The following FBXO22 variants were observed in gnomAD, a reference collection of about 807,000 sequenced individuals.
The protein encoded by FBXO22 is F-box protein 22, also known as F-box only protein 22.
Under a neutral mutation model 37.2 loss-of-function variants are expected in FBXO22, and 13 were observed. The ratio of observed to expected loss-of-function variants is 0.35; its 90% CI spans 0.23 to 0.56. The LOEUF is 0.56. Among genes scored for constraint, FBXO22 ranks in the 20% least tolerant of loss-of-function variants. FBXO22 has a pLI of 0.87. For synonymous variants in FBXO22, 189 were observed against 189.1 expected (o/e 1.00, Z 0.00); for missense variants, 446 against 509.9 (o/e 0.87, Z 1.21).
In FBXO22 at chr15:75,936,806, C is replaced by T. The variant is rs571317846; in HGVS notation, c.*3704C>T. The T allele has an allele frequency of 1.3e-5, 2 of 152,248 alleles. No individual in the cohort carries two copies. The highest frequency in any genetic ancestry group is 4.1e-4 in the South Asian group (2 of 4,824). The allele number at this position is 152,248 out of a possible 1,614,324, so 9.4% of individuals were successfully genotyped here. A position where few individuals can be genotyped will look rare whatever the true frequency, so the allele number is the denominator to read the frequency against. ...TCAGGCTGGCCTCAGACTCCAACCT[C>T]AGGTGATCTGCCTGCCTCAGCCTCC... On this transcript the variant is annotated 3_prime_UTR_variant, in exon 7 of 7. Coordinates refer to ENST00000308275, the MANE Select transcript of FBXO22 (RefSeq NM_147188.3).
chr15:75,925,458 T>A (rs377201583), intron 5 of FBXO22, among the ~76,000 whole-genome samples: 1 of 151,746 alleles, frequency 6.6e-6, no homozygotes, highest in African/African-American at 2.4e-5. Context: ...CCAAGAGGGG[T>A]AAAATAGAAC....
intron 2 of FBXO22, among the ~76,000 whole-genome samples, chr15:75,911,975 G>T (rs1026683335): frequency 6.6e-6 from 1 of 150,720 alleles, no homozygotes; most frequent in African/African-American, 2.4e-5. Context: ...TAGCATGAAG[G>T]GGTGTTGAAT....
intron 5 of FBXO22, among the ~76,000 whole-genome samples, chr15:75,928,664 C>G (rs1405946478): frequency 6.6e-6 from 1 of 152,004 alleles, no homozygotes; most frequent in African/African-American, 2.4e-5. Flanking sequence ...ATGAAATAAT[C>G]TGCACAACAA....
intron 5 of FBXO22, among the ~76,000 whole-genome samples, chr15:75,923,683 G>A (rs1900377961): frequency 6.6e-6 from 1 of 152,148 alleles, no homozygotes; most frequent in African/African-American, 2.4e-5. Context: ...GCTTGATTTA[G>A]CCATTCAGTA....
rs977336824 is a variant in FBXO22, at chr15:75,937,221, A to G, written c.*4119A>G. ...TTTGCCTATCAAAACATTAAAAAAA[A>G]AAAAGAGGCCGGGCGTGGTGGCTCA... On this transcript the variant is annotated 3_prime_UTR_variant, in exon 7 of 7. Transcript: ENST00000308275. 6.6e-6 allele frequency: 1 copy of G among 151,720 alleles called. No homozygotes were observed. Among genetic ancestry groups the G allele is most frequent in the African/African-American group, 2.4e-5 (1 of 41,348 alleles). The allele number at this position is 151,720 out of a possible 1,614,324, so 9.4% of individuals were successfully genotyped here.
In FBXO22 at chr15:75,941,775, G is replaced by GT. The variant is rs1328474282; in HGVS notation, c.*8676dup. ...GAGCAGGAGGGAATGGGAATTTATT[G>GT]TTTAAGGGGCACAGAGATTAGTGTG... is the stretch of plus-strand genomic sequence containing the variant. On this transcript the variant is annotated 3_prime_UTR_variant, in exon 7 of 7. Coordinates refer to ENST00000308275, the MANE Select transcript of FBXO22 (RefSeq NM_147188.3). 2 of 152,074 alleles carry GT rather than the reference G, an allele frequency of 1.3e-5. No homozygotes were observed. The highest frequency in any genetic ancestry group is 2.1e-4 in the South Asian group (1 of 4,822). The allele number at this position is 152,074 out of a possible 1,614,324, so 9.4% of individuals were successfully genotyped here. A position where few individuals can be genotyped will look rare whatever the true frequency, so the allele number is the denominator to read the frequency against.
intron 5 of FBXO22, among the ~76,000 whole-genome samples, chr15:75,919,212 T>A (rs1385071651): frequency 2.6e-5 from 4 of 152,158 alleles, no homozygotes; most frequent in African/African-American, 9.7e-5. Flanking sequence ...CCTCAAGTGA[T>A]CCACCTGCCT....
At chr15:75,904,385 C>G in intron 1 of FBXO22, 106 bp from the exon 2 acceptor site, 1 of 1,538,174 alleles carries the variant, frequency 6.5e-7, no homozygotes, top group South Asian at 1.1e-5. Context: ...GACTTTGGAT[C>G]CCGCAGGGAT....
chr15:75,913,027 G>A (rs1399693574), intron 2 of FBXO22, among the ~76,000 whole-genome samples, 176 bp from the exon 3 acceptor site: 1 of 152,142 alleles, frequency 6.6e-6, no homozygotes, highest in Admixed American at 6.5e-5. Flanking sequence ...TATTTGCCCA[G>A]TAGTCATTCA....
chr15:75,912,322 T>C (rs1567052225), intron 2 of FBXO22, among the ~76,000 whole-genome samples: 1 of 152,194 alleles, frequency 6.6e-6, no homozygotes, highest in Non-Finnish European at 1.5e-5. Flanking sequence ...TTCTGTTGTT[T>C]GGAATAGTTT....
rs532820041 is a variant in FBXO22, at chr15:75,910,653, C to G, written c.280-2550C>G. Among the ~76,000 whole-genome samples, 14 of 152,224 alleles carry G rather than the reference C, an allele frequency of 9.2e-5. No individual in the cohort carries two copies. The East Asian group carries it at 2.7e-3, about 29-fold the overall frequency. Reference sequence around the variant, plus strand: ...AATTTATTTAAGTTCCTTGTAGATTCTGGATATTAGCCCTTTGTCAGATGG... The same window carrying G: ...AATTTATTTAAGTTCCTTGTAGATTGTGGATATTAGCCCTTTGTCAGATGG... On this transcript the variant is annotated intron_variant, in intron 2 of 6. Coordinates refer to ENST00000308275, the MANE Select transcript of FBXO22 (RefSeq NM_147188.3).
Position 75,930,031 on chromosome 15 carries a change from C to T in FBXO22, c.776C>T (p.Ser259Leu). ...ILAGGQVDNL[S>L]SLTSEKNPLD... ...GCTGGAGGCCAGGTGGACAACCTGT[C>T]ATCACTGACTTCTGAAAAGTATGTC... Residue 259 changes from serine to leucine, a missense_variant, in exon 6 of 7, where the codon TCA (serine) becomes TTA (leucine). This residue lies in a region of FBXO22 where 315 missense variants were observed against 410.1 expected (regional missense o/e 0.77). Transcript: ENST00000308275. 1 of 1,614,052 alleles carries T rather than the reference C, an allele frequency of 6.2e-7. No homozygotes were observed. Among genetic ancestry groups the T allele is most frequent in the Non-Finnish European group, 8.5e-7 (1 of 1,179,946 alleles).
chr15:75,931,669 T>G (rs2030022324), intron 6 of FBXO22, among the ~76,000 whole-genome samples: 1 of 152,222 alleles, frequency 6.6e-6, no homozygotes, highest in Non-Finnish European at 1.5e-5. Flanking sequence ...CATGATACAA[T>G]ACTTGTTTAT....
rs1199967910 is a variant in FBXO22 at position 75,937,531 on chromosome 15, AAG to A, written c.*4430_*4431del. 2 of 149,496 alleles carry A rather than the reference AAG, an allele frequency of 1.3e-5. No individual in the cohort carries two copies. Among genetic ancestry groups the A allele is most frequent in the East Asian group, 3.9e-4 (2 of 5,164 alleles). 9.3% of individuals were successfully genotyped at this position (149,496 alleles called of 1,614,324 possible). A position where few individuals can be genotyped will look rare whatever the true frequency, so the allele number is the denominator to read the frequency against. On this transcript the variant is annotated 3_prime_UTR_variant, in exon 7 of 7. Coordinates refer to ENST00000308275, the MANE Select transcript of FBXO22 (RefSeq NM_147188.3). Reference sequence around the variant, plus strand: ...CTCAAAAAAAAAAAAAAAAAAAAAAAAGCAACTGTCTGAACGAACCTTGTTAG... The same window carrying A: ...CTCAAAAAAAAAAAAAAAAAAAAAAACAACTGTCTGAACGAACCTTGTTAG...
intron 2 of FBXO22, among the ~76,000 whole-genome samples, chr15:75,905,101 G>A (rs866756423): frequency 7.9e-5 from 12 of 152,100 alleles, no homozygotes; most frequent in Non-Finnish European, 1.5e-4. Flanking sequence ...GGGATTACAG[G>A]CGTGAGCCAC....
At chr15:75,930,416 ACTT>A (rs2029971738) in intron 6 of FBXO22, 2 of 1,075,234 alleles carry the variant, frequency 1.9e-6, no homozygotes, top group Non-Finnish European at 2.3e-6. Context: ...TTATGGCAAA[ACTT>A]CTCAGAGCTT....
At chr15:75,931,566 A>C (rs78547036) in intron 6 of FBXO22, among the ~76,000 whole-genome samples, 1 of 152,328 alleles carries the variant, frequency 6.6e-6, no homozygotes, top group Non-Finnish European at 1.5e-5. Context: ...ACTACTAGCT[A>C]GCCTTATTAC....
In FBXO22 at chr15:75,931,391, C is replaced by A. The variant is rs1466474146; in HGVS notation, c.795-1294C>A. On this transcript the variant is annotated intron_variant, in intron 6 of 6. Coordinates refer to ENST00000308275, the MANE Select transcript of FBXO22 (RefSeq NM_147188.3). The stretch of plus-strand genomic sequence containing the variant: ...ATGAGGGCTCCATTTTAATAAAGTC[C>A]AGATAACCCAACTGACCCAGTGCCC... 2.0e-5 allele frequency among the ~76,000 whole-genome samples: 3 copies of A among 152,062 alleles called. No homozygotes were observed. The East Asian group carries it at 5.8e-4, about 29-fold the overall frequency.
chr15:75,927,562 C>G (rs1485361848), intron 5 of FBXO22, among the ~76,000 whole-genome samples: 1 of 152,160 alleles, frequency 6.6e-6, no homozygotes, highest in Non-Finnish European at 1.5e-5. Context: ...GACTTGATCT[C>G]ACAGGCCTCT....
Sources: allele counts gnomAD v4.1 joint callset (sites outside exome capture counted in the v4.1 genomes callset), GRCh38; gene constraint gnomAD v4.1.1; regional missense constraint gnomAD v4.1.1; transcripts MANE v1.5; gene names NCBI Gene and HGNC (gene_info 2026-07-23, HGNC 2026-07-21).